Variants in GAB3 observed in about 807,000 individuals in gnomAD.
GAB3 encodes the protein GRB2 associated binding protein 3.
Under a neutral mutation model 40.4 loss-of-function variants are expected in GAB3, and 12 were observed. The observed-to-expected ratio is 0.30, with a 90% CI of 0.19 to 0.48. The LOEUF (loss-of-function observed/expected upper bound fraction) is 0.48. GAB3 is among the 20% of genes least tolerant of loss of function. The pLI, the probability that GAB3 is intolerant of heterozygous loss-of-function variation, is 0.99. For missense variants in GAB3, 381 were observed against 461.9 expected (o/e 0.82, Z 1.61); for synonymous variants, 154 against 176.7 (o/e 0.87, Z 1.02).
chrX:154,745,314 A>C (rs1342607359), intron 1 of GAB3, among the ~76,000 whole-genome samples: 2 of 109,235 alleles, frequency 1.8e-5, no homozygotes, highest in Non-Finnish European at 3.8e-5. Flanking sequence ...CCTGGGTGAC[A>C]ATGCGAGACT....
chrX:154,700,168 G>A, intron 4 of GAB3, 109 bp from the exon 5 acceptor site: 1 of 577,241 alleles, frequency 1.7e-6, no homozygotes, highest in Middle Eastern at 3.3e-4. Flanking sequence ...GAGTCTAGCT[G>A]GGCAGTCAGA....
intron 4 of GAB3, among the ~76,000 whole-genome samples, chrX:154,711,714 T>A (rs1226103626): frequency 3.6e-5 from 4 of 111,839 alleles, no homozygotes; most frequent in African/African-American, 1.3e-4. Flanking sequence ...TCTATGTATG[T>A]GAGAGAGAGG....
intron 8 of GAB3, among the ~76,000 whole-genome samples, chrX:154,689,522 G>T (rs76558552): frequency 0.44 from 45,217 of 102,856 alleles, 10,269 homozygotes; most frequent in East Asian, 0.73. Flanking sequence ...AAACCCCATT[G>T]TCTCAGCCCA....
chrX:154,711,264 G>A (rs1428646148), intron 4 of GAB3, among the ~76,000 whole-genome samples: 1 of 112,131 alleles, frequency 8.9e-6, no homozygotes, highest in Non-Finnish European at 1.9e-5. Context: ...GAAAAAAGGA[G>A]AAAGACACAG....
intron 4 of GAB3, among the ~76,000 whole-genome samples, chrX:154,702,229 T>C (rs1557252449): frequency 8.9e-6 from 1 of 112,068 alleles, no homozygotes; most frequent in Non-Finnish European, 1.9e-5. Context: ...GAACTCATTT[T>C]TGACAAAGGT....
In GAB3 at chrX:154,716,108, CA is replaced by C; in HGVS notation, c.293del (p.Val98GlyfsTer70). On this transcript the variant is annotated frameshift_variant, in exon 2 of 10. Coordinates refer to ENST00000424127, the MANE Select transcript of GAB3 (RefSeq NM_001081573.3). LOFTEE classifies it high-confidence loss of function. ...CCTGCATTTCTTGCTCAGTTTTGGC[CA>C]CCAGGTAGAATGTACGGGAAGTAGT... is the stretch of plus-strand genomic sequence containing the variant. ...VKTTSRTFYL[V>X]AKTEQEMQVW... is the part of the protein sequence containing the mutation. 8.3e-7 allele frequency: 1 copy of C among 1,212,040 alleles called. No homozygotes were observed. The highest frequency in any genetic ancestry group is 1.7e-5 in the African/African-American group (1 of 57,884).
chrX:154,724,721 G>A (rs1384698519), intron 1 of GAB3, among the ~76,000 whole-genome samples: 1 of 112,597 alleles, frequency 8.9e-6, no homozygotes, highest in Non-Finnish European at 1.9e-5. Flanking sequence ...AATTGTTAGA[G>A]AACAGTTTAA....
intron 5 of GAB3, 30 bp downstream of exon 5, chrX:154,699,974 T>C: frequency 8.6e-7 from 1 of 1,159,508 alleles, no homozygotes; most frequent in Non-Finnish European, 1.2e-6. Flanking sequence ...GTAAAATTGA[T>C]GCTTAAAAGA....
intron 1 of GAB3, among the ~76,000 whole-genome samples, chrX:154,718,725 T>C (rs1182497680): frequency 9.9e-5 from 11 of 111,286 alleles, no homozygotes; most frequent in Admixed American, 9.5e-4. Flanking sequence ...CATTTGTGCC[T>C]GCTGAGGAAA....
At chrX:154,729,074 G>A (rs782521399) in intron 1 of GAB3, among the ~76,000 whole-genome samples, 5 of 111,810 alleles carry the variant, frequency 4.5e-5, no homozygotes, top group Non-Finnish European at 9.4e-5. Context: ...GCTAGATGGC[G>A]ACACTGAGGG....
chrX:154,687,526 C>T (rs1284021186), intron 8 of GAB3, among the ~76,000 whole-genome samples: 1 of 104,279 alleles, frequency 9.6e-6, no homozygotes, highest in Non-Finnish European at 1.9e-5. Context: ...CCCAGCTACT[C>T]AGGAAGCTGA....
rs2070320699 is a variant in GAB3 at position 154,678,089 on chromosome X, T to C, written c.*89A>G. The C allele has an allele frequency of 2.0e-6, 1 of 500,471 alleles. No individual in the cohort carries two copies. The highest frequency in any genetic ancestry group is 3.5e-5 in the East Asian group (1 of 28,969). 41.2% of individuals were successfully genotyped at this position (500,471 alleles called of 1,213,427 possible). ...TTGACCTGTGTTGACCATCAGTGTGTTTTTAGTGGACAAAAAAAAAAAAAA... is the reference window on the plus strand; with the variant it reads ...TTGACCTGTGTTGACCATCAGTGTGCTTTTAGTGGACAAAAAAAAAAAAAA... On this transcript the variant is annotated 3_prime_UTR_variant, in exon 10 of 10. Coordinates refer to ENST00000424127, the MANE Select transcript of GAB3 (RefSeq NM_001081573.3).
At chrX:154,727,198 A>G (rs2071225252) in intron 1 of GAB3, among the ~76,000 whole-genome samples, 1 of 111,761 alleles carries the variant, frequency 8.9e-6, no homozygotes, top group Non-Finnish European at 1.9e-5. Context: ...TTGCTCTTCC[A>G]CACTGGTCTT....
intron 1 of GAB3, among the ~76,000 whole-genome samples, chrX:154,729,640 A>G (rs1435230797): frequency 1.8e-5 from 2 of 112,186 alleles, no homozygotes; most frequent in Non-Finnish European, 3.8e-5. Flanking sequence ...CAATTAGCAG[A>G]TAATACTATT....
At chrX:154,744,199 T>G (rs1424153871) in intron 1 of GAB3, among the ~76,000 whole-genome samples, 3 of 72,916 alleles carry the variant, frequency 4.1e-5, no homozygotes, top group African/African-American at 1.9e-4. Context: ...GGTGACAGAG[T>G]GAGATTCCAT....
At chrX:154,703,575 T>C (rs2070767177) in intron 4 of GAB3, among the ~76,000 whole-genome samples, 1 of 111,700 alleles carries the variant, frequency 9.0e-6, no homozygotes, top group African/African-American at 3.3e-5. Context: ...ACCTGGGTGA[T>C]GAAATAGTCA....
chrX:154,691,185 G>A (rs1326073751), intron 8 of GAB3, among the ~76,000 whole-genome samples: 2 of 101,370 alleles, frequency 2.0e-5, no homozygotes, highest in African/African-American at 7.3e-5. Flanking sequence ...ACCAAACACC[G>A]CATGTTCTCA....
chrX:154,749,120 G>A (rs1007380426), intron 1 of GAB3, among the ~76,000 whole-genome samples: 2 of 111,267 alleles, frequency 1.8e-5, no homozygotes, highest in Middle Eastern at 4.6e-3. Context: ...TCTAGTCACT[G>A]CCCCATCATC....
chrX:154,736,431 T>C (rs1035516889), intron 1 of GAB3, among the ~76,000 whole-genome samples: 2 of 112,555 alleles, frequency 1.8e-5, no homozygotes, highest in Admixed American at 9.3e-5. Context: ...AGTACAATAA[T>C]ACCACCTAGG....
Sources: allele counts gnomAD v4.1 joint callset (sites outside exome capture counted in the v4.1 genomes callset), GRCh38; gene constraint gnomAD v4.1.1; transcripts MANE v1.5; gene names NCBI Gene and HGNC (gene_info 2026-07-23, HGNC 2026-07-21).